The following FGF12 variants were observed in gnomAD, a reference collection of about 807,000 sequenced individuals.
FGF12 encodes fibroblast growth factor 12.
In FGF12, 14 loss-of-function variants were observed where a neutral mutation model predicts 23.6. That is an observed-to-expected ratio of 0.59 (90% confidence interval 0.39 to 0.93). FGF12 has a LOEUF of 0.93. Among genes scored for constraint, FGF12 ranks in the 40% least tolerant of loss-of-function variants. The probability of loss-of-function intolerance (pLI) is 0.00; values close to 1 mark genes in which losing one functional copy is unlikely to be tolerated. For missense variants in FGF12, 175 were observed against 217.8 expected (o/e 0.80, Z 1.24); for synonymous variants, 62 against 77.3 (o/e 0.80, Z 1.04).
At chr3:192,410,439 T>G (rs1350054399) in intron 2 of FGF12, among the ~76,000 whole-genome samples, 1 of 152,024 alleles carries the variant, frequency 6.6e-6, no homozygotes, top group East Asian at 1.9e-4. Flanking sequence ...ACAACCACAG[T>G]GGGAGTTAAA....
At chr3:192,439,555 A>G (rs1722131349) in intron 2 of FGF12, among the ~76,000 whole-genome samples, 1 of 152,200 alleles carries the variant, frequency 6.6e-6, no homozygotes, top group South Asian at 2.1e-4. Context: ...TACAATGGTG[A>G]GCAAAAGCAG....
intron 2 of FGF12, among the ~76,000 whole-genome samples, chr3:192,697,680 AAGATGGAGAT>A (rs1468248006): frequency 6.6e-6 from 1 of 152,198 alleles, no homozygotes; most frequent in Non-Finnish European, 1.5e-5. Flanking sequence ...ATGGGCCATG[AAGATGGAGAT>A]GTACTGTGGC....
intron 2 of FGF12, among the ~76,000 whole-genome samples, chr3:192,463,735 T>C (rs921031395): frequency 6.6e-6 from 1 of 152,202 alleles, no homozygotes; most frequent in Non-Finnish European, 1.5e-5. Context: ...GAAAGGATGA[T>C]GGAAGAGTAA....
intron 2 of FGF12, among the ~76,000 whole-genome samples, chr3:192,458,523 G>C (rs73068390): frequency 0.048 from 7,281 of 152,238 alleles, 600 homozygotes; most frequent in African/African-American, 0.17. Context: ...CAGGTTTTTG[G>C]ACTTGAATGG....
At chr3:192,564,177 C>T (rs1349948391) in intron 2 of FGF12, among the ~76,000 whole-genome samples, 1 of 152,180 alleles carries the variant, frequency 6.6e-6, no homozygotes, top group Non-Finnish European at 1.5e-5. Context: ...GATTCTCCTG[C>T]CTCAGCCTTC....
At chr3:192,724,557 G>A (rs952289093) in intron 2 of FGF12, among the ~76,000 whole-genome samples, 3 of 152,242 alleles carry the variant, frequency 2.0e-5, no homozygotes, top group Non-Finnish European at 4.4e-5. Flanking sequence ...CACAAATTCC[G>A]TCAGAGCTGC....
chr3:192,589,120 A>AG (rs1480787410), intron 2 of FGF12, among the ~76,000 whole-genome samples: 1 of 151,824 alleles, frequency 6.6e-6, no homozygotes, highest in African/African-American at 2.4e-5. Context: ...GTGGATCACA[A>AG]GGTCAAGAGA....
At chr3:192,305,146 G>A (rs1715554026) in intron 4 of FGF12, among the ~76,000 whole-genome samples, 1 of 151,918 alleles carries the variant, frequency 6.6e-6, no homozygotes, top group African/African-American at 2.4e-5. Context: ...TGCATGAGGA[G>A]AGATATCAAA....
intron 2 of FGF12, among the ~76,000 whole-genome samples, chr3:192,559,537 TAAGC>T: frequency 6.6e-6 from 1 of 151,924 alleles, no homozygotes; most frequent in Middle Eastern, 3.2e-3. Context: ...TGTACAACAC[TAAGC>T]AAGAACCATA....
intron 2 of FGF12, among the ~76,000 whole-genome samples, chr3:192,383,140 T>C (rs1487375757): frequency 1.3e-5 from 2 of 152,218 alleles, no homozygotes; most frequent in African/African-American, 4.8e-5. Context: ...AAGTAGATCC[T>C]TCACTGATCT....
rs183112628 is a variant in FGF12 at position 192,275,213 on chromosome 3, T to A, written c.228+60148A>T. Among the ~76,000 whole-genome samples the A allele has an allele frequency of 2.5e-3, 379 of 152,198 alleles. 1 individual carries two copies. Among genetic ancestry groups the A allele is most frequent in the Non-Finnish European group, 4.4e-3 (297 of 68,000 alleles). On this transcript the variant is annotated intron_variant, in intron 4 of 5. Coordinates refer to ENST00000445105, the MANE Select transcript of FGF12 (RefSeq NM_004113.6). ...AAGATGGAGTCACTCATGCTGAAAT[T>A]CCTCATCACCAAGCCAAAACTAAGT...
intron 2 of FGF12, among the ~76,000 whole-genome samples, chr3:192,721,397 T>A (rs1200887952): frequency 1.3e-5 from 2 of 152,172 alleles, no homozygotes; most frequent in Non-Finnish European, 2.9e-5. Flanking sequence ...GTCTTTATGA[T>A]CCTTTGTTTT....
intron 4 of FGF12, among the ~76,000 whole-genome samples, chr3:192,217,103 C>G (rs1452812548): frequency 6.6e-6 from 1 of 152,122 alleles, no homozygotes; most frequent in East Asian, 1.9e-4. Flanking sequence ...CTTCACATCC[C>G]CACCCAGCCG....
intron 4 of FGF12, among the ~76,000 whole-genome samples, chr3:192,215,084 T>C (rs1718123677): frequency 6.6e-6 from 1 of 152,218 alleles, no homozygotes; most frequent in South Asian, 2.1e-4. Context: ...GCTTACGTTG[T>C]CATCGGCTCT....
chr3:192,488,761 A>T (rs1723712758), intron 2 of FGF12, among the ~76,000 whole-genome samples: 1 of 152,178 alleles, frequency 6.6e-6, no homozygotes, highest in South Asian at 2.1e-4. Flanking sequence ...GACTTGTTTA[A>T]AACAAAAAGA....
At chr3:192,352,909 A>G (rs1402040541) in intron 3 of FGF12, among the ~76,000 whole-genome samples, 1 of 152,192 alleles carries the variant, frequency 6.6e-6, no homozygotes, top group Non-Finnish European at 1.5e-5. Context: ...CTTTGAGACT[A>G]TCACACAGGG....
rs367570505 is a variant in FGF12, at chr3:192,408,229, C to T, written c.14-47691G>A. 1.9e-6 allele frequency: 3 copies of T among 1,594,308 alleles called. No individual in the cohort carries two copies. The African/African-American group carries it at 4.0e-5, about 21-fold the overall frequency. ...CTGGCTATCGCCGCAGCCATAGCTG[C>T]TCAGCGAGGGCCTCAGGCCCCAGCC... On this transcript the variant is annotated intron_variant, in intron 2 of 5. Transcript: ENST00000445105. This position sits in a 1 kb window ranked among gnomAD's most constrained non-coding sequence, Gnocchi z 7.3.
intron 4 of FGF12, among the ~76,000 whole-genome samples, chr3:192,185,237 G>C (rs1187671288): frequency 6.6e-6 from 1 of 152,166 alleles, no homozygotes; most frequent in Admixed American, 6.5e-5. Context: ...TATTTGCAAT[G>C]ATGACATACT....
intron 2 of FGF12, among the ~76,000 whole-genome samples, chr3:192,547,171 CTT>C (rs747705438): frequency 6.6e-6 from 1 of 152,188 alleles, no homozygotes; most frequent in Non-Finnish European, 1.5e-5. Flanking sequence ...TGTGATGACT[CTT>C]TGGCTTTTTA....
Sources: allele counts gnomAD v4.1 joint callset (sites outside exome capture counted in the v4.1 genomes callset), GRCh38; gene constraint gnomAD v4.1.1; non-coding constraint Gnocchi (gnomAD v3.1); transcripts MANE v1.5; gene names NCBI Gene and HGNC (gene_info 2026-07-23, HGNC 2026-07-21).